Variants in C12orf42 observed in about 807,000 individuals in gnomAD.
C12orf42 encodes the protein uncharacterized protein C12orf42.
C12orf42 carries 25 observed loss-of-function variants against 21.6 expected under a neutral mutation model. The observed-to-expected ratio is 1.16, with a 90% CI of 0.84 to 1.62. The LOEUF (loss-of-function observed/expected upper bound fraction) is 1.62, where lower values mean the gene tolerates loss of function less well. Among genes scored for constraint, C12orf42 ranks in the 40% most tolerant of loss-of-function variants. C12orf42 has a pLI of 0.00. For missense variants in C12orf42, 483 were observed against 459.3 expected, an observed-to-expected ratio of 1.05 and a Z score of -0.47; for synonymous variants, 174 against 175.0, an observed-to-expected ratio of 0.99 and a Z score of 0.05.
At chr12:103,281,267 C>A (rs1231101491) in intron 4 of C12orf42, among the ~76,000 whole-genome samples, 2 of 152,238 alleles carry the variant, frequency 1.3e-5, no homozygotes, top group Admixed American at 1.3e-4. Context: ...TTTCACCTAA[C>A]CCACCCTTGT....
chr12:103,089,717 T>G, the C12orf42 span, among the ~76,000 whole-genome samples: 1 of 152,068 alleles, frequency 6.6e-6, no homozygotes, highest in Non-Finnish European at 1.5e-5. Context: ...GAAAATTGGA[T>G]TCTGGCATCT....
downstream of C12orf42, among the ~76,000 whole-genome samples, chr12:103,297,704 A>G (rs1450941094): frequency 2.6e-5 from 4 of 151,756 alleles, no homozygotes; most frequent in Non-Finnish European, 5.9e-5. Context: ...AAAAATCCTC[A>G]ATAAAATACT....
intron 1 of C12orf42, among the ~76,000 whole-genome samples, chr12:103,490,565 C>A (rs763352186): frequency 1.3e-5 from 2 of 151,942 alleles, no homozygotes; most frequent in Non-Finnish European, 2.9e-5. Context: ...TCTTCCTTTT[C>A]AACGACTATG....
chr12:103,074,973 C>T, the C12orf42 span, among the ~76,000 whole-genome samples: 2 of 151,962 alleles, frequency 1.3e-5, no homozygotes, highest in African/African-American at 4.8e-5. Flanking sequence ...CCTGTGGTCC[C>T]AGCTACTTGG....
the C12orf42 span, among the ~76,000 whole-genome samples, chr12:103,172,768 T>C: frequency 1.4e-4 from 22 of 152,298 alleles, no homozygotes; most frequent in African/African-American, 5.1e-4. Flanking sequence ...TGGAATTTTA[T>C]CCAAAAGAAG....
chr12:103,491,554 GT>G (rs1955187485), intron 1 of C12orf42, among the ~76,000 whole-genome samples: 1 of 152,214 alleles, frequency 6.6e-6, no homozygotes, highest in Admixed American at 6.5e-5. Context: ...ACACTCTATT[GT>G]TATCTGGCTT....
the C12orf42 span, among the ~76,000 whole-genome samples, chr12:103,057,151 G>A: frequency 0.025 from 3,838 of 150,536 alleles, 154 homozygotes; most frequent in African/African-American, 0.088. Context: ...CTGACACTGT[G>A]CTGACAAGGG....
chr12:103,309,359 T>C (rs553236900), intron 4 of C12orf42, among the ~76,000 whole-genome samples: 46 of 152,320 alleles, frequency 3.0e-4, no homozygotes, highest in African/African-American at 1.1e-3. Flanking sequence ...AGTAAATACA[T>C]ATTTTACAAT....
rs563135990 is a variant in C12orf42 at position 103,294,748 on chromosome 12, C to T, written n.338-17538G>A. ...GACTCTGCAAGAGGGACCCCATACA[C>T]CTTAAGAATTCTGCAGCATTTTTCT... On this transcript the variant is annotated intron_variant and non_coding_transcript_variant, in intron 4 of 6. Coordinates refer to the C12orf42 transcript ENST00000546526. 1.1e-4 allele frequency among the ~76,000 whole-genome samples: 16 copies of T among 152,200 alleles called. No homozygotes were observed. In the South Asian group the frequency reaches 3.3e-3, roughly 32 times the overall value.
intron 3 of C12orf42, among the ~76,000 whole-genome samples, chr12:103,398,392 G>A (rs1157396471): frequency 2.6e-5 from 4 of 152,010 alleles, no homozygotes; most frequent in Admixed American, 1.3e-4. Context: ...AAATTTGTGG[G>A]AATTCTATGT....
downstream of C12orf42, among the ~76,000 whole-genome samples, chr12:103,266,184 T>C (rs2035161119): frequency 6.6e-6 from 1 of 152,166 alleles, no homozygotes; most frequent in Admixed American, 6.6e-5. Flanking sequence ...TATCAAATTT[T>C]GATAGTCAAA....
At chr12:103,399,958 A>G (rs1232543899) in intron 3 of C12orf42, among the ~76,000 whole-genome samples, 2 of 152,166 alleles carry the variant, frequency 1.3e-5, no homozygotes, top group African/African-American at 2.4e-5. Flanking sequence ...TGCATAATAT[A>G]CCATGTATAA....
intron 4 of C12orf42, among the ~76,000 whole-genome samples, chr12:103,312,739 C>T (rs185681913): frequency 2.5e-4 from 38 of 152,306 alleles, no homozygotes; most frequent in Non-Finnish European, 4.7e-4. Flanking sequence ...TTTTGCAGCA[C>T]AGGACTTCCA....
chr12:103,501,016 C>A, the C12orf42 span, among the ~76,000 whole-genome samples: 1 of 152,198 alleles, frequency 6.6e-6, no homozygotes, highest in Non-Finnish European at 1.5e-5. Context: ...TTCAAAGATG[C>A]AGCTATTCCA....
chr12:103,369,081 T>G, intron 3 of C12orf42, 83 bp from the exon 4 acceptor site: 1 of 600,400 alleles, frequency 1.7e-6, no homozygotes, highest in Non-Finnish European at 2.9e-6. Context: ...CACTCTTACT[T>G]CCCTAAAGTG....
At chr12:103,147,970 T>C in the C12orf42 span, among the ~76,000 whole-genome samples, 1 of 152,086 alleles carries the variant, frequency 6.6e-6, no homozygotes, top group African/African-American at 2.4e-5. Context: ...ATAAGAGAAA[T>C]AAATGTTGGT....
chr12:103,379,996 A>G lies in C12orf42; in HGVS notation c.148-10998T>C, dbSNP rs12315183. On this transcript the variant is annotated intron_variant, in intron 3 of 5. Coordinates refer to ENST00000548883, the MANE Select transcript of C12orf42 (RefSeq NM_198521.5). ...TTTGGGCTTTTTCTTTAGCCAAAAG[A>G]TAATTACCGTTAGTGAGGCCTTACG... Among the ~76,000 whole-genome samples, 1,174 of 152,286 alleles carry G rather than the reference A, an allele frequency of 7.7e-3. 17 individuals carry two copies. The highest frequency in any genetic ancestry group is 0.027 in the African/African-American group (1,124 of 41,538).
the C12orf42 span, among the ~76,000 whole-genome samples, chr12:103,077,061 A>C: frequency 8.7e-4 from 132 of 152,336 alleles, no homozygotes; most frequent in African/African-American, 3.1e-3. Context: ...GTGCAATAAA[A>C]TCTTGAGACT....
chr12:103,481,653 CT>C (rs1337091740), intron 1 of C12orf42, among the ~76,000 whole-genome samples: 2 of 49,346 alleles, frequency 4.1e-5, no homozygotes, highest in East Asian at 1.6e-3. Context: ...AAGCGAGTTA[CT>C]TTAAAAAAAA....
Sources: allele counts gnomAD v4.1 joint callset (sites outside exome capture counted in the v4.1 genomes callset), GRCh38; gene constraint gnomAD v4.1.1; transcripts MANE v1.5; gene names NCBI Gene and HGNC (gene_info 2026-07-23, HGNC 2026-07-21).